Variants in THRAP3 observed in about 807,000 individuals in gnomAD.
THRAP3 encodes the protein thyroid hormone receptor-associated protein 3.
A neutral mutation model predicts 101.0 loss-of-function variants in THRAP3; 16 were observed. That is an observed-to-expected ratio of 0.16 (90% CI 0.11 to 0.24). THRAP3 has a LOEUF of 0.24. THRAP3 is among the 10% of genes least tolerant of loss of function. The probability of loss-of-function intolerance (pLI) is 1.00; values close to 1 mark genes in which losing one functional copy is unlikely to be tolerated. For missense variants in THRAP3, 989 were observed against 1,202.7 expected, an observed-to-expected ratio of 0.82 and a Z score of 2.63; for synonymous variants, 407 against 422.6, an observed-to-expected ratio of 0.96 and a Z score of 0.45.
chr1:36,304,638 T>A lies in THRAP3; in HGVS notation c.*621T>A. 4.5e-6 allele frequency: 1 copy of A among 221,904 alleles called. No individual in the cohort carries two copies. Among genetic ancestry groups the A allele is most frequent in the Non-Finnish European group, 9.0e-6 (1 of 110,580 alleles). 13.7% of individuals were successfully genotyped at this position (221,904 alleles called of 1,614,324 possible). A position where few individuals can be genotyped will look rare whatever the true frequency, so the allele number is the denominator to read the frequency against. ...GTATGTCAAGGAGGAGTTTAAGGCC[T>A]TTCCGACCACCTTGTGTTCCCCTTT... is the stretch of plus-strand genomic sequence containing the variant. On this transcript the variant is annotated 3_prime_UTR_variant, in exon 12 of 12. Transcript: ENST00000354618.
chr1:36,219,317 G>C, the THRAP3 span, among the ~76,000 whole-genome samples: 4 of 152,218 alleles, frequency 2.6e-5, no homozygotes, highest in African/African-American at 9.6e-5. Context: ...TTACATAAAA[G>C]TACTAGGTGA....
chr1:36,278,121 C>G (rs1484200717), intron 2 of THRAP3, among the ~76,000 whole-genome samples: 1 of 147,310 alleles, frequency 6.8e-6, no homozygotes, highest in Non-Finnish European at 1.5e-5. Context: ...CTGGAGTGCA[C>G]TGGCGTGATC....
At position 36,289,509 on chromosome 1, in the gene THRAP3, A is replaced by G; in HGVS notation, c.1490A>G (p.Glu497Gly). 1 of 1,614,164 alleles carries G rather than the reference A, an allele frequency of 6.2e-7. No individual in the cohort carries two copies. Among genetic ancestry groups the G allele is most frequent in the Non-Finnish European group, 8.5e-7 (1 of 1,180,028 alleles). Reference sequence around the variant, plus strand: ...GAGCTGGAGGAGGAGTCTTTCCCAGAGAGATCCAAAAAGGAAGATCGGGGC... The same window carrying G: ...GAGCTGGAGGAGGAGTCTTTCCCAGGGAGATCCAAAAAGGAAGATCGGGGC... ...TEELEEESFPERSKKEDRGKR... is the reference protein window; with the variant it reads ...TEELEEESFPGRSKKEDRGKR... Residue 497 changes from glutamate (E) to glycine (G), a missense_variant, in exon 5 of 12, where the codon GAG becomes GGG. Transcript: ENST00000354618.
At chr1:36,292,210 A>G (rs1288676194) in intron 6 of THRAP3, among the ~76,000 whole-genome samples, 2 of 149,016 alleles carry the variant, frequency 1.3e-5, no homozygotes, top group African/African-American at 4.9e-5. Context: ...GGGTTCCTGC[A>G]AAAGAGTTAA....
At position 36,296,788 on chromosome 1, in the gene THRAP3, AC is replaced by A. The variant is rs1645957852; in HGVS notation, c.2303+22del. 1.3e-6 allele frequency: 2 copies of A among 1,561,900 alleles called. No individual in the cohort carries two copies. Among genetic ancestry groups the A allele is most frequent in the Non-Finnish European group, 1.7e-6 (2 of 1,160,540 alleles). On this transcript the variant is annotated intron_variant, in intron 9 of 11. Coordinates refer to ENST00000354618, the MANE Select transcript of THRAP3 (RefSeq NM_005119.4). Reference sequence around the variant, plus strand: ...AAACAGAAGTACGTAAGCCCCTGTTACCCCTTCCAGACTCTTAAGTTTCTTG... The same window carrying A: ...AAACAGAAGTACGTAAGCCCCTGTTACCCTTCCAGACTCTTAAGTTTCTTG...
At chr1:36,247,190 G>A (rs1166327352) in intron 1 of THRAP3, among the ~76,000 whole-genome samples, 5 of 152,014 alleles carry the variant, frequency 3.3e-5, no homozygotes, top group African/African-American at 1.2e-4. Flanking sequence ...GGTGGTGGGC[G>A]CCTGTAATCC....
In THRAP3 at chr1:36,286,061, G is replaced by C. The variant is rs1421856115; in HGVS notation, c.138-307G>C. ...ATTATGGTATATTAAAATGGTCTTT[G>C]TGTGGTTTACTACCTTAAGAAAATG... On this transcript the variant is annotated intron_variant, in intron 3 of 11. Transcript: ENST00000354618. The surrounding 1 kb of genome is among the most constrained non-coding windows in gnomAD (Gnocchi z 5.5). Among the ~76,000 whole-genome samples, 1 of 152,174 alleles carries C rather than the reference G, an allele frequency of 6.6e-6. No individual in the cohort carries two copies. Among genetic ancestry groups the C allele is most frequent in the Non-Finnish European group, 1.5e-5 (1 of 68,032 alleles).
chr1:36,303,435 A>AG (rs1646055277), intron 11 of THRAP3, among the ~76,000 whole-genome samples: 2 of 152,166 alleles, frequency 1.3e-5, no homozygotes, highest in Non-Finnish European at 2.9e-5. Context: ...TGATAATGAT[A>AG]GGGTAGATAG....
At chr1:36,252,957 T>G (rs1023237514) in intron 1 of THRAP3, among the ~76,000 whole-genome samples, 6 of 138,364 alleles carry the variant, frequency 4.3e-5, no homozygotes, top group African/African-American at 1.6e-4. Flanking sequence ...TATATATATA[T>G]ATATATATAT....
Position 36,287,238 on chromosome 1 carries a change from T to G in THRAP3, c.1008T>G (p.Ser336Arg), listed in dbSNP as rs754986780. The change falls in exon 4 of 12, where the codon AGT becomes AGG. Residue 336 changes from serine to arginine, a missense_variant. By Grantham distance (110) the Ser-to-Arg change is moderately radical. Transcript: ENST00000354618. ...ATGGCTCATCTCAGAAGGAGGAGAG[T>G]GCTGCTTCAGGAGGAGCAGCCTATA... The part of the protein sequence containing the change: ...STYGSSQKEE[S>R]AASGGAAYTK... 5.0e-5 allele frequency: 81 copies of G among 1,612,674 alleles called. No individual in the cohort carries two copies. The highest frequency in any genetic ancestry group is 6.5e-5 in the Non-Finnish European group (77 of 1,179,330).
chr1:36,227,031 C>A (rs1486637582), intron 1 of THRAP3, among the ~76,000 whole-genome samples: 2 of 151,924 alleles, frequency 1.3e-5, no homozygotes, highest in Non-Finnish European at 2.9e-5. Flanking sequence ...AGTGAGGAAA[C>A]CAATTTGTAG....
intron 1 of THRAP3, among the ~76,000 whole-genome samples, chr1:36,234,807 C>CTTTT (rs35278020): frequency 4.0e-3 from 288 of 72,466 alleles, no homozygotes; most frequent in Non-Finnish European, 4.9e-3. Flanking sequence ...CTGTTTCAGT[C>CTTTT]TTTTTTTTTT....
In THRAP3 at chr1:36,285,887, G is replaced by T. The variant is rs1436192873; in HGVS notation, c.138-481G>T. 2.0e-5 allele frequency among the ~76,000 whole-genome samples: 3 copies of T among 152,150 alleles called. No individual in the cohort carries two copies. The East Asian group carries it at 5.8e-4, about 29-fold the overall frequency. ...AAGTTCATCCCGCACAAGGGGGAGA[G>T]AGCTGACTAGGATAGGGTGTGGAGT... is the stretch of plus-strand genomic sequence containing the variant. On this transcript the variant is annotated intron_variant, in intron 3 of 11. Transcript: ENST00000354618.
At chr1:36,292,947 A>G (rs375279279) in intron 7 of THRAP3, among the ~76,000 whole-genome samples, 3 of 150,764 alleles carry the variant, frequency 2.0e-5, no homozygotes, top group Non-Finnish European at 2.9e-5. Flanking sequence ...ATTAACTCCT[A>G]TATTCTTGGA....
upstream of THRAP3, among the ~76,000 whole-genome samples, chr1:36,221,090 C>T (rs981121033): frequency 7.0e-6 from 1 of 143,018 alleles, no homozygotes; most frequent in Admixed American, 7.3e-5. Flanking sequence ...GAGGCTGAGG[C>T]GAGAGGATCC....
intron 3 of THRAP3, 103 bp downstream of exon 3, chr1:36,282,803 G>A (rs1213707814): frequency 2.9e-6 from 4 of 1,373,712 alleles, no homozygotes; most frequent in Admixed American, 1.8e-5. Context: ...CAAATGGACT[G>A]GGGGGTTGGC....
intron 1 of THRAP3, among the ~76,000 whole-genome samples, chr1:36,247,946 C>G (rs1557815888): frequency 6.8e-6 from 1 of 146,866 alleles, no homozygotes; most frequent in Non-Finnish European, 1.5e-5. Flanking sequence ...GTGGCACGAT[C>G]TTGGCTCACT....
At chr1:36,235,873 G>A (rs1403115906) in intron 1 of THRAP3, among the ~76,000 whole-genome samples, 1 of 152,088 alleles carries the variant, frequency 6.6e-6, no homozygotes, top group African/African-American at 2.4e-5. Flanking sequence ...GAAAAGAGAT[G>A]GAGACAGGAA....
At chr1:36,263,207 C>G (rs540873378) in intron 2 of THRAP3, among the ~76,000 whole-genome samples, 1 of 151,948 alleles carries the variant, frequency 6.6e-6, no homozygotes, top group Admixed American at 6.6e-5. Flanking sequence ...TCAGGTGATC[C>G]TCCTGCTTCG....
Sources: allele counts gnomAD v4.1 joint callset (sites outside exome capture counted in the v4.1 genomes callset), GRCh38; gene constraint gnomAD v4.1.1; non-coding constraint Gnocchi (gnomAD v3.1); transcripts MANE v1.5; gene names NCBI Gene and HGNC (gene_info 2026-07-23, HGNC 2026-07-21).